The following WDFY4 variants were observed in gnomAD, a reference collection of about 807,000 sequenced individuals.
WDFY4 encodes WDFY family member 4, also known as WD repeat- and FYVE domain-containing protein 4.
WDFY4 carries 169 observed loss-of-function variants against 351.9 expected under a neutral mutation model. The ratio of observed to expected loss-of-function variants is 0.48; its 90% CI spans 0.42 to 0.55. The LOEUF (loss-of-function observed/expected upper bound fraction) is 0.55. Ranked by LOEUF, WDFY4 falls within the 20% of genes least tolerant of loss-of-function variation. WDFY4 has a pLI of 0.00. For synonymous variants in WDFY4, 1,622 were observed against 1,574.6 expected (o/e 1.03, Z -0.71); for missense variants, 3,803 against 3,935.6 (o/e 0.97, Z 0.90).
chr10:48,745,290 C>T (rs2064975885), intron 12 of WDFY4, among the ~76,000 whole-genome samples: 1 of 152,136 alleles, frequency 6.6e-6, no homozygotes, highest in African/African-American at 2.4e-5. Context: ...GGTGGATCGT[C>T]TGGGTTCTTA....
intron 39 of WDFY4, among the ~76,000 whole-genome samples, chr10:48,866,162 C>CAGATGGA (rs1421704209): frequency 6.6e-6 from 1 of 152,014 alleles, no homozygotes; most frequent in Non-Finnish European, 1.5e-5. Context: ...CCAGTGTCTT[C>CAGATGGA]AGATGGAAGT....
At chr10:48,846,287 T>C (rs1295927490) in intron 39 of WDFY4, among the ~76,000 whole-genome samples, 2 of 152,214 alleles carry the variant, frequency 1.3e-5, no homozygotes, top group Non-Finnish European at 2.9e-5. Context: ...GTCTCTACCC[T>C]TGGGAAAATG....
chr10:48,953,333 T>TCTCTCTCTCTCTCACA (rs771339557), intron 51 of WDFY4, among the ~76,000 whole-genome samples: 70 of 128,230 alleles, frequency 5.5e-4, no homozygotes, highest in African/African-American at 1.4e-3. Context: ...TCTCTCTCTC[T>TCTCTCTCTCTCTCACA]CACACACACA....
At position 48,824,289 on chromosome 10, in the gene WDFY4, A is replaced by G. The variant is rs534102288; in HGVS notation, c.5982+1752A>G. 3.4e-5 allele frequency: 24 copies of G among 696,774 alleles called. No homozygotes were observed. In the African/African-American group the frequency reaches 4.3e-4, roughly 12 times the overall value. The allele number at this position is 696,774 out of a possible 1,614,324, so 43.2% of individuals were successfully genotyped here. On this transcript the variant is annotated intron_variant, in intron 35 of 61. Transcript: ENST00000325239. Reference sequence around the variant, plus strand: ...CGTACAGTGGGGTAACTTAGCGTCTATGGTGTTTTTATGACAAACAGGCAA... The same window carrying G: ...CGTACAGTGGGGTAACTTAGCGTCTGTGGTGTTTTTATGACAAACAGGCAA...
chr10:48,704,138 C>G (rs542551048), intron 1 of WDFY4, among the ~76,000 whole-genome samples: 1 of 152,168 alleles, frequency 6.6e-6, no homozygotes, highest in South Asian at 2.1e-4. Context: ...GGACCTCTTC[C>G]CATTGTTCAT....
intron 40 of WDFY4, among the ~76,000 whole-genome samples, chr10:48,872,954 T>C (rs2069841172): frequency 6.6e-6 from 1 of 152,250 alleles, no homozygotes; most frequent in African/African-American, 2.4e-5. Flanking sequence ...TCGTTGGAGA[T>C]TCTGAGATCC....
At chr10:48,893,409 G>A (rs1015540616) in intron 44 of WDFY4, among the ~76,000 whole-genome samples, 18 of 152,154 alleles carry the variant, frequency 1.2e-4, no homozygotes, top group African/African-American at 4.1e-4. Context: ...CCCATGACAA[G>A]GGCATTCAAG....
At chr10:48,867,450 C>T (rs1178814772) in intron 40 of WDFY4, 108 bp downstream of exon 40, 2 of 602,756 alleles carry the variant, frequency 3.3e-6, no homozygotes, top group Non-Finnish European at 5.0e-6. Context: ...GCTCACCAGG[C>T]TTGCACCATG....
chr10:48,815,106 G>A (rs992404167), intron 31 of WDFY4, among the ~76,000 whole-genome samples: 6 of 152,294 alleles, frequency 3.9e-5, no homozygotes, highest in African/African-American at 1.4e-4. Context: ...GTCAAAGTGT[G>A]CCTTCAGGCG....
chr10:48,833,617 G>A (rs1236439845), intron 39 of WDFY4, among the ~76,000 whole-genome samples: 2 of 152,210 alleles, frequency 1.3e-5, no homozygotes, highest in African/African-American at 4.8e-5. Flanking sequence ...ATGTGGGACT[G>A]GAAATGTTGC....
At position 48,725,982 on chromosome 10, in the gene WDFY4, C is replaced by T. The variant is rs149430500; in HGVS notation, c.693C>T (p.His231=). The T allele has an allele frequency of 3.5e-4, 542 of 1,551,770 alleles. No homozygotes were observed. The Middle Eastern group carries it at 4.3e-3, about 12-fold the overall frequency. Residue 231 remains histidine, a synonymous_variant, in exon 6 of 62, where the codon CAC becomes CAT. Transcript: ENST00000325239. ...TTGCCACGACCTGCCTTCGGGAGCACAGCTGCTGCTTCTGGAAGGAACCCA... is the reference window on the plus strand; with the variant it reads ...TTGCCACGACCTGCCTTCGGGAGCATAGCTGCTGCTTCTGGAAGGAACCCA... ...LLIATTCLRE[H]SCCFWKEPTF...
chr10:48,702,938 C>G (rs566236699), intron 1 of WDFY4, among the ~76,000 whole-genome samples: 7 of 152,102 alleles, frequency 4.6e-5, no homozygotes, highest in African/African-American at 1.7e-4. Flanking sequence ...GTCCTGGCAT[C>G]TTGTTTTAAT....
intron 25 of WDFY4, 91 bp downstream of exon 25, chr10:48,803,450 C>A (rs2067150390): frequency 9.4e-6 from 12 of 1,270,134 alleles, no homozygotes; most frequent in Non-Finnish European, 1.3e-5. Flanking sequence ...CTCTTCCCTG[C>A]TCCCAGAACA....
intron 11 of WDFY4, among the ~76,000 whole-genome samples, chr10:48,741,957 C>T (rs536712570): frequency 1.3e-5 from 2 of 152,324 alleles, no homozygotes; most frequent in East Asian, 1.9e-4. Flanking sequence ...CTAAAAATTA[C>T]AGACTTTTAA....
chr10:48,841,707 A>G (rs926144326), intron 39 of WDFY4, among the ~76,000 whole-genome samples: 1 of 152,232 alleles, frequency 6.6e-6, no homozygotes, highest in African/African-American at 2.4e-5. Context: ...AATATTCTCC[A>G]TCTGAGATCA....
intron 6 of WDFY4, among the ~76,000 whole-genome samples, chr10:48,726,533 A>T (rs1278638465): frequency 6.6e-6 from 1 of 152,174 alleles, no homozygotes; most frequent in Non-Finnish European, 1.5e-5. Context: ...ACCCTCATTT[A>T]TACACTGGGA....
In WDFY4 at chr10:48,743,084, G is replaced by C; in HGVS notation, c.1995G>C (p.Pro665=). ...SDLEGSLQEP[P]LQAWGAVSPR... ...TGGAAGGCTCCCTCCAGGAGCCCCC[G>C]CTGCAGGCATGGGGAGCAGTATCCC... The change falls in exon 12 of 62, where the codon CCG becomes CCC. Residue 665 remains proline (P), a synonymous_variant. Transcript: ENST00000325239. 6.4e-7 allele frequency: 1 copy of C among 1,551,654 alleles called. No individual in the cohort carries two copies. Among genetic ancestry groups the C allele is most frequent in the Non-Finnish European group, 8.7e-7 (1 of 1,146,998 alleles).
At chr10:48,854,109 A>G (rs2069051424) in intron 39 of WDFY4, among the ~76,000 whole-genome samples, 1 of 139,082 alleles carries the variant, frequency 7.2e-6, no homozygotes, top group Non-Finnish European at 1.5e-5. Context: ...GAGACAGTCT[A>G]AGTCATTTTT....
chr10:48,794,822 C>G (rs1197691235), intron 23 of WDFY4, among the ~76,000 whole-genome samples: 4 of 151,998 alleles, frequency 2.6e-5, no homozygotes, highest in Non-Finnish European at 4.4e-5. Context: ...TCCCTGGTGG[C>G]CTTTCTGAGG....
Sources: allele counts gnomAD v4.1 joint callset (sites outside exome capture counted in the v4.1 genomes callset), GRCh38; gene constraint gnomAD v4.1.1; transcripts MANE v1.5; gene names NCBI Gene and HGNC (gene_info 2026-07-23, HGNC 2026-07-21).